TJP1: variants seen among roughly 807,000 people sequenced by gnomAD.
TJP1 encodes the protein tight junction protein ZO-1.
A neutral mutation model predicts 194.2 loss-of-function variants in TJP1; 43 were observed. That is an observed-to-expected ratio of 0.22 (90% CI 0.17 to 0.29). The LOEUF is 0.29. TJP1 is among the 10% of genes least tolerant of loss of function. TJP1 has a pLI of 1.00. For missense variants in TJP1, 1,971 were observed against 2,185.7 expected (o/e 0.90, Z 1.96); for synonymous variants, 801 against 779.0 (o/e 1.03, Z -0.47).
chr15:29,702,738 G>A (rs750636763), intron 27 of TJP1, among the ~76,000 whole-genome samples: 1 of 152,104 alleles, frequency 6.6e-6, no homozygotes, highest in Non-Finnish European at 1.5e-5. Context: ...CCAGAAAATG[G>A]GGTACTTGTA....
chr15:29,710,693 A>C, intron 24 of TJP1, 138 bp downstream of exon 24: 1 of 1,054,460 alleles, frequency 9.5e-7, no homozygotes. Context: ...TTTTAACAAA[A>C]TTCTTAGTTT....
chr15:29,759,903 G>A (rs752927081), intron 8 of TJP1: 37 of 326,160 alleles, frequency 1.1e-4, no homozygotes, highest in Non-Finnish European at 1.9e-4. Flanking sequence ...TGGCTATTGT[G>A]AATAATGCTG....
intron 2 of TJP1, among the ~76,000 whole-genome samples, chr15:29,845,060 T>A (rs1459008333): frequency 6.6e-6 from 1 of 152,152 alleles, no homozygotes; most frequent in Non-Finnish European, 1.5e-5. Flanking sequence ...AATGCTATTG[T>A]TAGGCTAAGA....
chr15:29,700,170 A>G lies in TJP1; in HGVS notation c.*1425T>C, dbSNP rs2041454483. ...CCAGCACTTTATTTTAAAAAGTTTTATTTTGGAGATTTAGAAATTTGAGAT... is the reference window on the plus strand; with the variant it reads ...CCAGCACTTTATTTTAAAAAGTTTTGTTTTGGAGATTTAGAAATTTGAGAT... On this transcript the variant is annotated 3_prime_UTR_variant, in exon 28 of 28. Coordinates refer to ENST00000614355, the MANE Select transcript of TJP1 (RefSeq NM_001330239.4). The G allele has an allele frequency of 5.0e-6, 2 of 398,510 alleles. No individual in the cohort carries two copies. The highest frequency in any genetic ancestry group is 8.9e-6 in the Non-Finnish European group (2 of 225,982). The allele number at this position is 398,510 out of a possible 1,614,324, so 24.7% of individuals were successfully genotyped here. A position where few individuals can be genotyped will look rare whatever the true frequency, so the allele number is the denominator to read the frequency against.
intron 1 of TJP1, among the ~76,000 whole-genome samples, chr15:29,813,739 T>C (rs982916241): frequency 6.6e-6 from 1 of 152,200 alleles, no homozygotes; most frequent in African/African-American, 2.4e-5. Context: ...TTAGGGATTC[T>C]AGCACTTATC....
At chr15:29,814,156 ACT>A (rs1259771445) in intron 1 of TJP1, among the ~76,000 whole-genome samples, 3 of 152,092 alleles carry the variant, frequency 2.0e-5, no homozygotes, top group Non-Finnish European at 2.9e-5. Flanking sequence ...AAATACAGAA[ACT>A]CTGCTAAACA....
intron 11 of TJP1, among the ~76,000 whole-genome samples, chr15:29,736,310 T>TA (rs1359547816): frequency 9.2e-5 from 14 of 151,792 alleles, no homozygotes; most frequent in African/African-American, 3.4e-4. Context: ...AAAGGACAAA[T>TA]AAGACAGTGG....
chr15:29,950,403 CT>C (rs987386419), intron 2 of TJP1, among the ~76,000 whole-genome samples: 1 of 151,724 alleles, frequency 6.6e-6, no homozygotes, highest in Non-Finnish European at 1.5e-5. Flanking sequence ...ACCACCACCA[CT>C]TCTACCACCA....
At chr15:29,917,788 A>G (rs567713645) in intron 2 of TJP1, among the ~76,000 whole-genome samples, 2 of 152,310 alleles carry the variant, frequency 1.3e-5, no homozygotes, top group East Asian at 1.9e-4. Context: ...AGAGCTTCCA[A>G]TTTGCTTCCT....
intron 2 of TJP1, among the ~76,000 whole-genome samples, chr15:29,843,077 T>C (rs1259428897): frequency 1.3e-5 from 2 of 152,244 alleles, no homozygotes; most frequent in Non-Finnish European, 2.9e-5. Flanking sequence ...AAAATGCTCA[T>C]TTTGTAACCA....
intron 8 of TJP1, among the ~76,000 whole-genome samples, chr15:29,753,296 A>G (rs923485307): frequency 6.6e-6 from 1 of 151,714 alleles, no homozygotes; most frequent in African/African-American, 2.4e-5. Context: ...ATCCTGGCTA[A>G]CACAGTGAAA....
At chr15:29,728,150 C>T (rs1427583112) in intron 15 of TJP1, 131 bp from the exon 16 acceptor site, 3 of 632,576 alleles carry the variant, frequency 4.7e-6, no homozygotes, top group East Asian at 5.7e-5. Context: ...CTTATGCATG[C>T]AGTACTTAAA....
chr15:29,900,098 T>C (rs907772931), intron 2 of TJP1, among the ~76,000 whole-genome samples: 6 of 150,840 alleles, frequency 4.0e-5, no homozygotes, highest in African/African-American at 1.2e-4. Flanking sequence ...TTACAGGGGG[T>C]TCAGGCAAAG....
At chr15:29,708,196 CAAA>C (rs770746842) in intron 25 of TJP1, among the ~76,000 whole-genome samples, 6 of 63,506 alleles carry the variant, frequency 9.4e-5, no homozygotes, top group Non-Finnish European at 7.0e-5. Flanking sequence ...ACTCTTGTCT[CAAA>C]AAAAAAAAAA....
At chr15:29,854,589 G>A (rs180704964) in intron 2 of TJP1, among the ~76,000 whole-genome samples, 1 of 152,278 alleles carries the variant, frequency 6.6e-6, no homozygotes, top group East Asian at 1.9e-4. Context: ...CTCTCCCTCA[G>A]GGCGTGTGAC....
chr15:29,861,391 C>T lies in TJP1; in HGVS notation c.307-60689G>A, dbSNP rs148392493. ...TGTGATTTTGATTTGCACTTCCTGA[C>T]GATTAACCCATTTATGAGGGAGGTT... On this transcript the variant is annotated intron_variant, in intron 2 of 28. Coordinates refer to the TJP1 transcript ENST00000356107. Among the ~76,000 whole-genome samples the T allele has an allele frequency of 5.1e-3, 780 of 152,206 alleles. 5 individuals are homozygous for T. The highest frequency in any genetic ancestry group is 0.017 in the African/African-American group (723 of 41,530).
intron 2 of TJP1, among the ~76,000 whole-genome samples, chr15:29,941,520 G>C (rs2055076189): frequency 6.6e-6 from 1 of 152,128 alleles, no homozygotes; most frequent in South Asian, 2.1e-4. Context: ...CTAGGGTTGG[G>C]AACCACCAGC....
In TJP1 at chr15:29,719,130, T is replaced by C. The variant is rs757351809; in HGVS notation, c.3012A>G (p.Arg1004=). The C allele has an allele frequency of 3.1e-6, 5 of 1,591,404 alleles. No homozygotes were observed. Among genetic ancestry groups the C allele is most frequent in the Non-Finnish European group, 4.3e-6 (5 of 1,171,672 alleles). ...TCATTTCCTCGGGATATGGATCCTT[T>C]CTATACACCTGTATAAAAAATTCAC... ...SSHVDPTKVY[R]KDPYPEEMMR... The change falls in exon 21 of 28, where the codon AGA becomes AGG. Residue 1004 remains arginine (R), a synonymous_variant. Coordinates refer to ENST00000614355, the MANE Select transcript of TJP1 (RefSeq NM_001330239.4).
intron 2 of TJP1, among the ~76,000 whole-genome samples, chr15:29,875,857 C>A (rs2052679947): frequency 6.6e-6 from 1 of 152,198 alleles, no homozygotes; most frequent in Non-Finnish European, 1.5e-5. Context: ...AGCCACTGTG[C>A]CTGGCCAGTT....
Sources: gnomAD v4.1 joint callset for allele counts (sites outside exome capture counted in the v4.1 genomes callset) on GRCh38, gnomAD v4.1.1 for gene constraint, MANE v1.5 for transcripts, NCBI Gene and HGNC (gene_info 2026-07-23, HGNC 2026-07-21) for gene names.